The following IMPG1 variants were observed in gnomAD, a reference collection of about 807,000 sequenced individuals.
IMPG1 encodes interphotoreceptor matrix proteoglycan 1.
A neutral mutation model predicts 92.0 loss-of-function variants in IMPG1; 85 were observed. The ratio of observed to expected loss-of-function variants is 0.92; its 90% CI spans 0.78 to 1.11. The LOEUF is 1.11. Ranked by LOEUF, IMPG1 falls within the 50% of genes least tolerant of loss-of-function variation. The pLI is 0.00. For missense variants in IMPG1, 1,022 were observed against 956.0 expected (o/e 1.07, Z -0.91); for synonymous variants, 367 against 334.1 (o/e 1.10, Z -1.08).
intron 12 of IMPG1, among the ~76,000 whole-genome samples, chr6:76,000,445 A>G (rs1782967893): frequency 6.6e-6 from 1 of 152,218 alleles, no homozygotes; most frequent in Non-Finnish European, 1.5e-5. Context: ...TCCATTCTTT[A>G]AAACAAAATC....
intron 14 of IMPG1, among the ~76,000 whole-genome samples, chr6:75,942,180 C>G (rs1781845774): frequency 6.6e-6 from 1 of 152,198 alleles, no homozygotes; most frequent in South Asian, 2.1e-4. Context: ...TCTTGAGATT[C>G]TCTCCTAGAG....
intron 15 of IMPG1, among the ~76,000 whole-genome samples, chr6:75,929,636 A>G (rs1781630219): frequency 6.6e-6 from 1 of 151,778 alleles, no homozygotes; most frequent in South Asian, 2.1e-4. Flanking sequence ...CCAGCATGGC[A>G]CATGTATACA....
intron 14 of IMPG1, among the ~76,000 whole-genome samples, chr6:75,933,640 G>A (rs1358723960): frequency 6.6e-6 from 1 of 152,170 alleles, no homozygotes; most frequent in African/African-American, 2.4e-5. Context: ...CCAGAGGTCC[G>A]GGCCTAGTCT....
intron 16 of IMPG1, among the ~76,000 whole-genome samples, chr6:75,923,193 T>C (rs1781458581): frequency 6.6e-6 from 1 of 152,116 alleles, no homozygotes; most frequent in African/African-American, 2.4e-5. Context: ...AGATGAACTT[T>C]TACGAATTTT....
chr6:76,065,807 AAAT>A (rs1784299544), intron 1 of IMPG1, among the ~76,000 whole-genome samples: 1 of 152,106 alleles, frequency 6.6e-6, no homozygotes, highest in Non-Finnish European at 1.5e-5. Context: ...GTGAAGAAAA[AAAT>A]CCTAAAATCA....
chr6:75,984,783 G>A (rs190697947), intron 12 of IMPG1, among the ~76,000 whole-genome samples: 1 of 152,274 alleles, frequency 6.6e-6, no homozygotes, highest in East Asian at 1.9e-4. Flanking sequence ...CCTTGGCTAG[G>A]ATTGAGTTCT....
chr6:76,001,782 T>C lies in IMPG1; in HGVS notation c.1291+1136A>G, dbSNP rs557789234. On this transcript the variant is annotated intron_variant, in intron 12 of 16. Transcript: ENST00000369950. Reference sequence around the variant, plus strand: ...CAAAATTACAGATTTATTGGCAAAATAAATGATTATTGTTTTAGGCCACTA... The same window carrying C: ...CAAAATTACAGATTTATTGGCAAAACAAATGATTATTGTTTTAGGCCACTA... 1.8e-4 allele frequency among the ~76,000 whole-genome samples: 28 copies of C among 152,338 alleles called. No individual in the cohort carries two copies. In the South Asian group the frequency reaches 5.6e-3, roughly 30 times the overall value.
At chr6:76,032,152 A>G (rs757563262) in intron 4 of IMPG1, among the ~76,000 whole-genome samples, 2 of 152,198 alleles carry the variant, frequency 1.3e-5, no homozygotes, top group African/African-American at 2.4e-5. Flanking sequence ...CTCTCCAGAA[A>G]TGCTGGCAGG....
In IMPG1 at chr6:75,947,409, G is replaced by T. The variant is rs267601131; in HGVS notation, c.1949C>A (p.Thr650Asn). 2.7e-5 allele frequency: 43 copies of T among 1,613,832 alleles called. No homozygotes were observed. The highest frequency in any genetic ancestry group is 3.2e-5 in the Non-Finnish European group (38 of 1,179,904). Residue 650 changes from threonine (T) to asparagine (N), a missense_variant, in exon 14 of 17, where the codon ACC becomes AAC. This residue lies in a region of IMPG1 where 332 missense variants were observed against 346.2 expected (regional missense o/e 0.96). Transcript: ENST00000369950. ...KFAKSVPYNL[T>N]KAVHGVLEDF... Reference sequence around the variant, plus strand: ...CTCCAAGACCCCGTGCACAGCCTTGGTGAGGTTATACGGCACTGACTTAGC... The same window carrying T: ...CTCCAAGACCCCGTGCACAGCCTTGTTGAGGTTATACGGCACTGACTTAGC...
chr6:75,924,463 A>T (rs1272610695), intron 15 of IMPG1, among the ~76,000 whole-genome samples: 4 of 106,288 alleles, frequency 3.8e-5, no homozygotes, highest in African/African-American at 1.5e-4. Flanking sequence ...TAATTATATA[A>T]TATAAATATA....
chr6:75,926,517 TC>T (rs1472344021), intron 15 of IMPG1, among the ~76,000 whole-genome samples: 1 of 152,196 alleles, frequency 6.6e-6, no homozygotes, highest in African/African-American at 2.4e-5. Flanking sequence ...CTGTGTACCA[TC>T]ATTTACTGAA....
intron 12 of IMPG1, among the ~76,000 whole-genome samples, chr6:75,974,391 C>CTTTCTTT (rs1554230325): frequency 1.8e-5 from 1 of 54,776 alleles, no homozygotes; most frequent in Non-Finnish European, 3.8e-5. Context: ...TTCTTTCTTT[C>CTTTCTTT]TTTTCTTTCT....
intron 12 of IMPG1, among the ~76,000 whole-genome samples, chr6:75,972,546 T>A (rs1782441161): frequency 6.6e-6 from 1 of 152,206 alleles, no homozygotes; most frequent in Non-Finnish European, 1.5e-5. Flanking sequence ...CCGTAAGACT[T>A]GTGGGTAACT....
chr6:75,960,911 G>T (rs1177793336), intron 12 of IMPG1, among the ~76,000 whole-genome samples: 2 of 152,206 alleles, frequency 1.3e-5, no homozygotes, highest in Non-Finnish European at 2.9e-5. Flanking sequence ...TGTGTATGTG[G>T]CAGTCCATTG....
chr6:75,988,474 A>AT (rs1273380902), intron 12 of IMPG1, among the ~76,000 whole-genome samples: 2 of 151,630 alleles, frequency 1.3e-5, no homozygotes, highest in Non-Finnish European at 2.9e-5. Context: ...GGGTTGTTTG[A>AT]TTTTTTCTTG....
intron 13 of IMPG1, 133 bp downstream of exon 13, chr6:75,950,429 C>T (rs1782003026): frequency 1.3e-6 from 1 of 754,430 alleles, no homozygotes; most frequent in Non-Finnish European, 2.1e-6. Context: ...AGTTGAATGT[C>T]TTCAGCAACA....
intron 4 of IMPG1, among the ~76,000 whole-genome samples, chr6:76,031,489 T>A (rs1309153168): frequency 2.0e-5 from 3 of 152,230 alleles, no homozygotes; most frequent in Non-Finnish European, 2.9e-5. Context: ...ATGTTAGTTG[T>A]AAACACAGAT....
At chr6:76,049,117 G>A (rs992514330) in intron 1 of IMPG1, among the ~76,000 whole-genome samples, 10 of 152,086 alleles carry the variant, frequency 6.6e-5, no homozygotes, top group African/African-American at 1.7e-4. Flanking sequence ...CAAATACTAC[G>A]TGTTATAAGT....
intron 4 of IMPG1, among the ~76,000 whole-genome samples, chr6:76,029,639 G>C (rs756808151): frequency 6.6e-5 from 10 of 152,148 alleles, no homozygotes; most frequent in Non-Finnish European, 1.3e-4. Flanking sequence ...GTAGAAATCT[G>C]GATCAATATT....
Sources: gnomAD v4.1 joint callset for allele counts (sites outside exome capture counted in the v4.1 genomes callset) on GRCh38, gnomAD v4.1.1 for gene constraint, gnomAD v4.1.1 regional missense constraint, MANE v1.5 for transcripts, NCBI Gene and HGNC (gene_info 2026-07-23, HGNC 2026-07-21) for gene names.